Variants in ZNF487 observed in about 807,000 individuals in gnomAD.
The protein encoded by ZNF487 is zinc finger protein 487.
In ZNF487, 4 loss-of-function variants were observed where a neutral mutation model predicts 3.0. That is an observed-to-expected ratio of 1.35 (90% CI 0.66 to 3.08). The LOEUF (loss-of-function observed/expected upper bound fraction) is 3.08, where lower values mean the gene tolerates loss of function less well. Among genes scored for constraint, ZNF487 ranks in the 30% most tolerant of loss-of-function variants. The pLI is 0.01. For synonymous variants in ZNF487, 55 were observed against 34.6 expected, an observed-to-expected ratio of 1.59 and a Z score of -2.06; for missense variants, 146 against 98.7, an observed-to-expected ratio of 1.48 and a Z score of -2.03.
chr10:43,523,857 C>G, the ZNF487 span: 4 of 152,012 alleles, frequency 2.6e-5, no homozygotes, highest in Admixed American at 2.0e-4. Context: ...TGAGAAATCT[C>G]TAAATAAACA....
At chr10:43,516,983 G>A in the ZNF487 span, among the ~76,000 whole-genome samples, 1 of 152,210 alleles carries the variant, frequency 6.6e-6, no homozygotes, top group Admixed American at 6.5e-5. Flanking sequence ...TATCCATGGG[G>A]TACCGTAGCA....
chr10:43,447,086 G>C (rs1034542575), intron 1 of ZNF487, among the ~76,000 whole-genome samples: 1 of 152,070 alleles, frequency 6.6e-6, no homozygotes, highest in African/African-American at 2.4e-5. Context: ...GCACTCGGCA[G>C]GCTGAGGCAG....
the ZNF487 span, among the ~76,000 whole-genome samples, chr10:43,516,790 C>T: frequency 2.6e-5 from 4 of 152,162 alleles, no homozygotes; most frequent in African/African-American, 9.7e-5. Flanking sequence ...CAAATGTTAG[C>T]CTCCTTTGGC....
the ZNF487 span, among the ~76,000 whole-genome samples, chr10:43,511,735 G>A: frequency 1.3e-5 from 2 of 152,150 alleles, no homozygotes; most frequent in Non-Finnish European, 2.9e-5. Context: ...ATTAGGCGAC[G>A]ACAGGGGTGG....
intron 2 of ZNF487, 63 bp from the exon 3 acceptor site, chr10:43,476,044 G>A: frequency 1.4e-6 from 1 of 700,246 alleles, no homozygotes; most frequent in South Asian, 1.5e-5. Context: ...CTATTTTTGT[G>A]CAGGCACACC....
At chr10:43,448,103 C>T (rs1252844606) in intron 1 of ZNF487, among the ~76,000 whole-genome samples, 1 of 149,586 alleles carries the variant, frequency 6.7e-6, no homozygotes, top group Non-Finnish European at 1.5e-5. Flanking sequence ...TATTCTCCTG[C>T]CTCAGCCTCC....
At chr10:43,497,190 T>G in the ZNF487 span, among the ~76,000 whole-genome samples, 1 of 152,230 alleles carries the variant, frequency 6.6e-6, no homozygotes, top group Non-Finnish European at 1.5e-5. Context: ...TTTATTAATT[T>G]ACATGCCAGT....
At chr10:43,440,951 C>T (rs1839576785) in intron 1 of ZNF487, among the ~76,000 whole-genome samples, 1 of 148,170 alleles carries the variant, frequency 6.7e-6, no homozygotes, top group Admixed American at 6.9e-5. Context: ...ACTGTAGCCT[C>T]GATCTTCTTG....
At chr10:43,521,924 G>T in the ZNF487 span, among the ~76,000 whole-genome samples, 1 of 114,566 alleles carries the variant, frequency 8.7e-6, no homozygotes, top group African/African-American at 3.2e-5. Context: ...TATACAAAAA[G>T]AGTTGTGTGA....
chr10:43,492,936 C>G, the ZNF487 span, among the ~76,000 whole-genome samples: 1 of 152,082 alleles, frequency 6.6e-6, no homozygotes, highest in Non-Finnish European at 1.5e-5. Flanking sequence ...CATTAGAACT[C>G]TAAAGGTGTT....
intron 1 of ZNF487, among the ~76,000 whole-genome samples, chr10:43,465,149 G>T (rs377582690): frequency 1.1e-5 from 1 of 92,036 alleles, no homozygotes; most frequent in African/African-American, 4.3e-5. Context: ...GGGCTGACCC[G>T]CCCACCTCCC....
chr10:43,446,156 C>T (rs543675173), intron 1 of ZNF487, among the ~76,000 whole-genome samples: 5 of 152,338 alleles, frequency 3.3e-5, no homozygotes, highest in African/African-American at 4.8e-5. Context: ...ACAAAACCGC[C>T]GTCGTCATCA....
intron 1 of ZNF487, chr10:43,458,225 G>C (rs1311599565): frequency 6.6e-6 from 1 of 152,146 alleles, no homozygotes; most frequent in Non-Finnish European, 1.5e-5. Context: ...GATGACATGC[G>C]CCAATGTGGG....
chr10:43,505,191 C>T, the ZNF487 span, among the ~76,000 whole-genome samples: 1 of 151,982 alleles, frequency 6.6e-6, no homozygotes, highest in Non-Finnish European at 1.5e-5. Flanking sequence ...GGCTTTACCA[C>T]TCTGGTTTGA....
chr10:43,474,869 C>T (rs1841035471), intron 1 of ZNF487, among the ~76,000 whole-genome samples: 1 of 152,084 alleles, frequency 6.6e-6, no homozygotes, highest in African/African-American at 2.4e-5. Context: ...AGGCATGAGC[C>T]ACCACACTCA....
chr10:43,474,839 ACCC>A (rs1393606391), intron 1 of ZNF487, among the ~76,000 whole-genome samples: 1 of 151,626 alleles, frequency 6.6e-6, no homozygotes, highest in Non-Finnish European at 1.5e-5. Flanking sequence ...TGCCTTGGCC[ACCC>A]AAAGTGCTGG....
At chr10:43,456,543 G>A (rs1840209954) in intron 1 of ZNF487, among the ~76,000 whole-genome samples, 1 of 152,184 alleles carries the variant, frequency 6.6e-6, no homozygotes, top group Non-Finnish European at 1.5e-5. Context: ...AGAGAACCTG[G>A]TTGGGAGGGA....
the ZNF487 span, among the ~76,000 whole-genome samples, chr10:43,490,129 C>T: frequency 1.3e-5 from 2 of 152,118 alleles, no homozygotes; most frequent in East Asian, 1.9e-4. Context: ...GCGGGTGGAT[C>T]GCCTGAGGTC....
chr10:43,504,495 C>T, the ZNF487 span, among the ~76,000 whole-genome samples: 8 of 151,744 alleles, frequency 5.3e-5, no homozygotes, highest in African/African-American at 1.7e-4. Context: ...TGGGGTTTCA[C>T]TATGTTGGCC....
Sources: allele counts gnomAD v4.1 joint callset (sites outside exome capture counted in the v4.1 genomes callset), GRCh38; gene constraint gnomAD v4.1.1; transcripts MANE v1.5; gene names NCBI Gene and HGNC (gene_info 2026-07-23, HGNC 2026-07-21).